The following SNTG1 variants were observed in gnomAD, a reference collection of about 807,000 sequenced individuals.
SNTG1 encodes syntrophin gamma 1, also known as gamma-1-syntrophin.
In SNTG1, 39 loss-of-function variants were observed where a neutral mutation model predicts 74.7. The ratio of observed to expected loss-of-function variants is 0.52; its 90% CI spans 0.40 to 0.68. SNTG1 has a LOEUF of 0.68. Ranked by LOEUF, SNTG1 falls within the 30% of genes least tolerant of loss-of-function variation. The pLI, the probability that SNTG1 is intolerant of heterozygous loss-of-function variation, is 0.00. For missense variants in SNTG1, 685 were observed against 609.5 expected (o/e 1.12, Z -1.30); for synonymous variants, 254 against 217.1 (o/e 1.17, Z -1.49).
chr8:50,252,411 A>G, intron 2 of SNTG1, among the ~76,000 whole-genome samples: 1 of 152,290 alleles, frequency 6.6e-6, no homozygotes, highest in South Asian at 2.1e-4. Context: ...GATCAACTAA[A>G]CAAAGAGTTG....
intron 1 of SNTG1, among the ~76,000 whole-genome samples, chr8:49,993,880 T>C (rs951796760): frequency 2.6e-5 from 4 of 152,194 alleles, no homozygotes; most frequent in African/African-American, 9.7e-5. Context: ...GTGGTGTTGA[T>C]TATTGAACGA....
At chr8:50,386,035 C>G (rs988015909) in intron 2 of SNTG1, among the ~76,000 whole-genome samples, 6 of 152,158 alleles carry the variant, frequency 3.9e-5, no homozygotes, top group Non-Finnish European at 7.4e-5. Context: ...TGCTATTTTA[C>G]TTGCAAAGGT....
At chr8:50,721,083 GC>G (rs1327748433) in intron 17 of SNTG1, among the ~76,000 whole-genome samples, 1 of 152,152 alleles carries the variant, frequency 6.6e-6, no homozygotes, top group Admixed American at 6.5e-5. Flanking sequence ...CAACATGTAA[GC>G]CTTTCATTAG....
chr8:50,405,865 C>A (rs2092868002), intron 4 of SNTG1, among the ~76,000 whole-genome samples: 2 of 152,056 alleles, frequency 1.3e-5, no homozygotes, highest in Non-Finnish European at 2.9e-5. Flanking sequence ...TTTGGATATC[C>A]AGTTCAAAAT....
intron 17 of SNTG1, among the ~76,000 whole-genome samples, chr8:50,712,898 T>G (rs2095465689): frequency 6.6e-6 from 1 of 152,196 alleles, no homozygotes; most frequent in African/African-American, 2.4e-5. Flanking sequence ...TGATCCAGTC[T>G]ATCATTGATG....
intron 1 of SNTG1, among the ~76,000 whole-genome samples, chr8:50,129,095 G>A (rs367956548): frequency 6.6e-6 from 1 of 152,092 alleles, no homozygotes; most frequent in Non-Finnish European, 1.5e-5. Context: ...TTAACTGATA[G>A]CATTAAACTG....
At chr8:50,694,053 G>T (rs1163599216) in intron 15 of SNTG1, among the ~76,000 whole-genome samples, 1 of 150,716 alleles carries the variant, frequency 6.6e-6, no homozygotes, top group East Asian at 1.9e-4. Context: ...CAAGAAATTA[G>T]AAAAGCAAGA....
At chr8:50,239,524 G>A (rs996389929) in intron 2 of SNTG1, among the ~76,000 whole-genome samples, 42 of 152,140 alleles carry the variant, frequency 2.8e-4, no homozygotes, top group African/African-American at 9.2e-4. Flanking sequence ...ACAGCATGGG[G>A]AAACTGCCCC....
intron 2 of SNTG1, among the ~76,000 whole-genome samples, chr8:50,246,053 A>T (rs2086384750): frequency 2.0e-5 from 3 of 151,656 alleles, no homozygotes; most frequent in South Asian, 4.2e-4. Flanking sequence ...AGTGGAAAAC[A>T]TTAAATAATC....
At position 50,159,966 on chromosome 8, in the gene SNTG1, C is replaced by T. The variant is rs190731964; in HGVS notation, c.-102-12595C>T. On this transcript the variant is annotated intron_variant, in intron 1 of 18. Transcript: ENST00000642720. Reference sequence around the variant, plus strand: ...TCCTACTGAAAAATATACCCAATTACCTAAGTTGGGCCCTTACCTGGTAGA... The same window carrying T: ...TCCTACTGAAAAATATACCCAATTATCTAAGTTGGGCCCTTACCTGGTAGA... Among the ~76,000 whole-genome samples the T allele has an allele frequency of 2.6e-5, 4 of 152,280 alleles. No individual in the cohort carries two copies. In the East Asian group the frequency reaches 5.8e-4, roughly 22 times the overall value.
intron 12 of SNTG1, among the ~76,000 whole-genome samples, chr8:50,585,144 A>AATTATATT (rs1477352972): frequency 1.3e-5 from 2 of 152,208 alleles, no homozygotes; most frequent in African/African-American, 2.4e-5. Flanking sequence ...CAAGAAATCA[A>AATTATATT]GCAGAGATGA....
At chr8:50,665,744 T>C (rs565747837) in intron 15 of SNTG1, among the ~76,000 whole-genome samples, 93 of 152,246 alleles carry the variant, frequency 6.1e-4, no homozygotes, top group African/African-American at 2.1e-3. Flanking sequence ...TGAGCAATTC[T>C]GGGATAAAAT....
At chr8:50,398,444 T>A (rs1373968521) in intron 3 of SNTG1, among the ~76,000 whole-genome samples, 1 of 152,210 alleles carries the variant, frequency 6.6e-6, no homozygotes, top group Non-Finnish European at 1.5e-5. Context: ...TCTTTACTCA[T>A]GTGTTCCCTC....
chr8:49,951,844 C>A (rs139045548), intron 1 of SNTG1, among the ~76,000 whole-genome samples: 1 of 84,266 alleles, frequency 1.2e-5, no homozygotes, highest in African/African-American at 3.9e-5. Flanking sequence ...AACTAGAAAT[C>A]GACAACAGAA....
chr8:50,279,958 A>C (rs1224209964), intron 2 of SNTG1, among the ~76,000 whole-genome samples: 1 of 152,186 alleles, frequency 6.6e-6, no homozygotes, highest in Non-Finnish European at 1.5e-5. Context: ...CACCCTTACA[A>C]ATGGATATTT....
At chr8:50,100,985 C>T (rs556611166) in intron 1 of SNTG1, among the ~76,000 whole-genome samples, 6 of 152,106 alleles carry the variant, frequency 3.9e-5, no homozygotes, top group African/African-American at 7.2e-5. Flanking sequence ...TTTGTGTCCA[C>T]GTGTATTCAA....
At chr8:50,044,759 T>C (rs528225638) in intron 1 of SNTG1, among the ~76,000 whole-genome samples, 15 of 152,300 alleles carry the variant, frequency 9.8e-5, no homozygotes, top group African/African-American at 3.1e-4. Context: ...AATTACCACA[T>C]TGTTTCATCA....
chr8:50,530,939 A>G (rs2094261741), intron 10 of SNTG1, among the ~76,000 whole-genome samples: 1 of 152,198 alleles, frequency 6.6e-6, no homozygotes, highest in African/African-American at 2.4e-5. Context: ...AAGCAGATCT[A>G]ACAATCATCT....
intron 1 of SNTG1, among the ~76,000 whole-genome samples, chr8:49,918,887 C>A (rs999283890): frequency 6.6e-6 from 1 of 151,964 alleles, no homozygotes; most frequent in East Asian, 1.9e-4. Flanking sequence ...GTGGCTTAAT[C>A]CAAATAAGCA....
Sources: allele counts gnomAD v4.1 joint callset (sites outside exome capture counted in the v4.1 genomes callset), GRCh38; gene constraint gnomAD v4.1.1; transcripts MANE v1.5; gene names NCBI Gene and HGNC (gene_info 2026-07-23, HGNC 2026-07-21).